Variants in TENM2 observed in about 807,000 individuals in gnomAD.
TENM2 encodes the protein teneurin-2.
In TENM2, 52 loss-of-function variants were observed where a neutral mutation model predicts 245.2. The ratio of observed to expected loss-of-function variants is 0.21; its 90% CI spans 0.17 to 0.27. The LOEUF is 0.27. Ranked by LOEUF, TENM2 falls within the 10% of genes least tolerant of loss-of-function variation. TENM2 has a pLI of 1.00. For missense variants in TENM2, 3,046 were observed against 3,666.8 expected, an observed-to-expected ratio of 0.83 and a Z score of 4.37; for synonymous variants, 1,363 against 1,438.9, an observed-to-expected ratio of 0.95 and a Z score of 1.19.
the TENM2 span, among the ~76,000 whole-genome samples, chr5:167,120,939 C>A: frequency 6.6e-6 from 1 of 152,076 alleles, no homozygotes; most frequent in African/African-American, 2.4e-5. Context: ...CTCATGCATC[C>A]ATTTCTTACC....
At chr5:168,151,049 C>T (rs1353796942) in intron 12 of TENM2, among the ~76,000 whole-genome samples, 1 of 151,898 alleles carries the variant, frequency 6.6e-6, no homozygotes. Flanking sequence ...TGAACTGACC[C>T]TGGCTCTCTC....
At position 167,299,589 on chromosome 5, in the gene TENM2, G is replaced by A. The variant is rs1326502449; in HGVS notation, c.226+14526G>A. On this transcript the variant is annotated intron_variant, in intron 1 of 28. Transcript: ENST00000518659. ...TTTCCACGATGGAAAGGAAATGAGA[G>A]GTTTTAAGAGGCAGGCTAGTGGCCT... Among the ~76,000 whole-genome samples, 7 of 152,272 alleles carry A rather than the reference G, an allele frequency of 4.6e-5. No individual in the cohort carries two copies. The South Asian group carries it at 6.2e-4, about 14-fold the overall frequency.
chr5:167,761,812 C>A (rs1242209792), intron 2 of TENM2, among the ~76,000 whole-genome samples: 1 of 152,160 alleles, frequency 6.6e-6, no homozygotes, highest in Non-Finnish European at 1.5e-5. Flanking sequence ...TGTGGCCTTG[C>A]CATTCCTCCT....
chr5:167,867,548 T>C (rs916523616), intron 2 of TENM2, among the ~76,000 whole-genome samples: 1 of 152,208 alleles, frequency 6.6e-6, no homozygotes, highest in Non-Finnish European at 1.5e-5. Context: ...TGAAAACGAT[T>C]TGTTTTCAAG....
chr5:167,295,419 G>A (rs541380353), intron 1 of TENM2, among the ~76,000 whole-genome samples: 35 of 152,268 alleles, frequency 2.3e-4, no homozygotes, highest in African/African-American at 7.7e-4. Flanking sequence ...TCTACTCTGC[G>A]GTATGTATAG....
At chr5:167,390,788 C>T (rs1474608573) in intron 2 of TENM2, among the ~76,000 whole-genome samples, 5 of 152,298 alleles carry the variant, frequency 3.3e-5, no homozygotes, top group Admixed American at 1.3e-4. Context: ...TACAGGTTGT[C>T]TTCCATTTCC....
At chr5:168,204,153 A>G (rs1160045086) in intron 18 of TENM2, among the ~76,000 whole-genome samples, 1 of 151,206 alleles carries the variant, frequency 6.6e-6, no homozygotes, top group Non-Finnish European at 1.5e-5. Flanking sequence ...TGGGATTACA[A>G]GCTTCTTTGG....
At chr5:167,904,861 G>C (rs1324799346) in intron 3 of TENM2, among the ~76,000 whole-genome samples, 1 of 152,138 alleles carries the variant, frequency 6.6e-6, no homozygotes, top group Non-Finnish European at 1.5e-5. Context: ...CTTCAGTCTT[G>C]GGCAAAAGGG....
chr5:168,246,467 A>T (rs1766584069), intron 26 of TENM2, among the ~76,000 whole-genome samples: 1 of 152,022 alleles, frequency 6.6e-6, no homozygotes, highest in African/African-American at 2.4e-5. Context: ...TTGTTACAAA[A>T]TGCAGATTCT....
At chr5:167,714,578 C>T (rs1038339974) in intron 2 of TENM2, among the ~76,000 whole-genome samples, 3 of 152,240 alleles carry the variant, frequency 2.0e-5, no homozygotes, top group Admixed American at 6.5e-5. Context: ...AACCTGCTAG[C>T]GTATGGCCCA....
In TENM2 at chr5:168,099,538, C is replaced by T. The variant is rs576272800; in HGVS notation, c.1813+1411C>T. On this transcript the variant is annotated intron_variant, in intron 9 of 28. Coordinates refer to ENST00000518659, the Ensembl canonical transcript of TENM2. ...TGACTTTCTTATTTAATTATGCATA[C>T]GATTTTATTTATTTATATGTTTAAC... Among the ~76,000 whole-genome samples the T allele has an allele frequency of 5.3e-5, 8 of 152,174 alleles. No individual in the cohort carries two copies. The South Asian group carries it at 1.2e-3, about 24-fold the overall frequency.
intron 2 of TENM2, among the ~76,000 whole-genome samples, chr5:167,515,830 G>C (rs913448736): frequency 1.3e-5 from 2 of 151,282 alleles, no homozygotes; most frequent in Admixed American, 1.3e-4. Flanking sequence ...CACGCTCATA[G>C]GGCAATATTT....
chr5:168,257,096 C>A (rs1767733595), intron 27 of TENM2, among the ~76,000 whole-genome samples: 1 of 152,076 alleles, frequency 6.6e-6, no homozygotes, highest in South Asian at 2.1e-4. Context: ...AGGGAGACAT[C>A]AATGAAGAAA....
At chr5:167,661,292 C>G (rs539445294) in intron 2 of TENM2, among the ~76,000 whole-genome samples, 2 of 152,144 alleles carry the variant, frequency 1.3e-5, no homozygotes, top group African/African-American at 4.8e-5. Flanking sequence ...AGATCATATA[C>G]AACATTTTAT....
chr5:167,084,372 T>TGTATATATGTATATATATATA, the TENM2 span, among the ~76,000 whole-genome samples: 1 of 121,974 alleles, frequency 8.2e-6, no homozygotes, highest in African/African-American at 3.0e-5. Context: ...TATATACAGA[T>TGTATATATGTATATATATATA]CAGATTGAGA....
chr5:167,896,989 A>G (rs943700397), intron 3 of TENM2, among the ~76,000 whole-genome samples: 1 of 152,220 alleles, frequency 6.6e-6, no homozygotes, highest in African/African-American at 2.4e-5. Flanking sequence ...TGCTGCATGA[A>G]TCTTTATAAC....
the TENM2 span, among the ~76,000 whole-genome samples, chr5:167,014,616 A>G: frequency 6.6e-6 from 1 of 152,230 alleles, no homozygotes; most frequent in Non-Finnish European, 1.5e-5. Flanking sequence ...ACCCTGTTGC[A>G]TAAGAGAAAG....
chr5:167,500,726 C>T (rs895247143), intron 2 of TENM2, among the ~76,000 whole-genome samples: 1 of 151,980 alleles, frequency 6.6e-6, no homozygotes, highest in South Asian at 2.1e-4. Context: ...ATGACAGGAA[C>T]GTTCTGGAAG....
intron 7 of TENM2, among the ~76,000 whole-genome samples, 189 bp from the exon 10 acceptor site, chr5:168,090,385 G>A (rs1792832893): frequency 6.6e-6 from 1 of 152,142 alleles, no homozygotes; most frequent in African/African-American, 2.4e-5. Context: ...TAATTATAAA[G>A]CATAATAAAT....
Sources: allele counts gnomAD v4.1 joint callset (sites outside exome capture counted in the v4.1 genomes callset), GRCh38; gene constraint gnomAD v4.1.1; transcripts MANE v1.5; gene names NCBI Gene and HGNC (gene_info 2026-07-23, HGNC 2026-07-21).